Variants in TMTC2 observed in about 807,000 individuals in gnomAD.
TMTC2 encodes the protein protein O-mannosyl-transferase TMTC2.
In TMTC2, 43 loss-of-function variants were observed where a neutral mutation model predicts 82.4. The ratio of observed to expected loss-of-function variants is 0.52; its 90% CI spans 0.41 to 0.67. TMTC2 has a LOEUF of 0.67. TMTC2 is among the 30% of genes least tolerant of loss of function. TMTC2 has a pLI of 0.00. For synonymous variants in TMTC2, 408 were observed against 381.9 expected, an observed-to-expected ratio of 1.07 and a Z score of -0.80; for missense variants, 919 against 1,012.4, an observed-to-expected ratio of 0.91 and a Z score of 1.25.
intron 8 of TMTC2, among the ~76,000 whole-genome samples, chr12:82,990,524 G>A (rs367871607): frequency 1.3e-3 from 192 of 151,952 alleles, no homozygotes; most frequent in Middle Eastern, 6.8e-3. Context: ...TATTTCTTCC[G>A]TGAAGTCTTG....
intron 1 of TMTC2, among the ~76,000 whole-genome samples, chr12:82,844,174 C>CATAG (rs1870501211): frequency 6.6e-6 from 1 of 152,190 alleles, no homozygotes; most frequent in Admixed American, 6.5e-5. Context: ...AATCAGTGTT[C>CATAG]ATAGCCAGAG....
At chr12:82,804,062 A>G (rs1018387667) in intron 1 of TMTC2, among the ~76,000 whole-genome samples, 6 of 152,086 alleles carry the variant, frequency 3.9e-5, no homozygotes, top group African/African-American at 9.7e-5. Context: ...GTTCAGGGAC[A>G]TGAATGCTAT....
At chr12:83,071,741 A>G (rs183327061) in intron 11 of TMTC2, among the ~76,000 whole-genome samples, 2 of 152,092 alleles carry the variant, frequency 1.3e-5, no homozygotes, top group East Asian at 3.9e-4. Context: ...GGAGGGTTGT[A>G]TCTTTCCCGG....
At chr12:82,942,085 G>A (rs1245020429) in intron 4 of TMTC2, among the ~76,000 whole-genome samples, 1 of 152,078 alleles carries the variant, frequency 6.6e-6, no homozygotes, top group East Asian at 1.9e-4. Context: ...CTATTGTAAA[G>A]GATTAAGTTC....
intron 8 of TMTC2, among the ~76,000 whole-genome samples, chr12:83,022,377 G>T (rs1008806533): frequency 1.4e-5 from 1 of 72,160 alleles, no homozygotes; most frequent in Non-Finnish European, 2.7e-5. Flanking sequence ...CCCTCCCCCC[G>T]CCCCAGTTGT....
At chr12:82,911,974 G>A (rs1226885582) in intron 3 of TMTC2, among the ~76,000 whole-genome samples, 1 of 152,156 alleles carries the variant, frequency 6.6e-6, no homozygotes, top group Non-Finnish European at 1.5e-5. Flanking sequence ...ATCATCTTGA[G>A]AGCAGAACTG....
chr12:82,996,114 A>G (rs1309894270), intron 8 of TMTC2, among the ~76,000 whole-genome samples: 2 of 152,194 alleles, frequency 1.3e-5, no homozygotes, highest in African/African-American at 4.8e-5. Context: ...TTCTGTGTAT[A>G]TTTTTAAATG....
chr12:83,054,658 ATAAT>A (rs1254435866), intron 10 of TMTC2, among the ~76,000 whole-genome samples: 1 of 151,004 alleles, frequency 6.6e-6, no homozygotes, highest in African/African-American at 2.4e-5. Flanking sequence ...ATATGCATAT[ATAAT>A]TACATACTGT....
At chr12:83,123,854 A>G (rs1178493622) in intron 11 of TMTC2, among the ~76,000 whole-genome samples, 3 of 152,132 alleles carry the variant, frequency 2.0e-5, no homozygotes, top group African/African-American at 7.2e-5. Context: ...CAACCTAACA[A>G]TTCTTGTTGT....
chr12:82,700,124 A>G (rs1486259852), intron 1 of TMTC2, among the ~76,000 whole-genome samples: 3 of 152,148 alleles, frequency 2.0e-5, no homozygotes, highest in African/African-American at 4.8e-5. Context: ...CAAGCTCCCC[A>G]CTGATACCAA....
chr12:82,761,795 C>T (rs1876647329), intron 1 of TMTC2, among the ~76,000 whole-genome samples: 1 of 152,152 alleles, frequency 6.6e-6, no homozygotes, highest in Non-Finnish European at 1.5e-5. Flanking sequence ...TTTAAACAGA[C>T]CCTTAGAAAT....
At chr12:82,802,582 C>T (rs541880255) in intron 1 of TMTC2, among the ~76,000 whole-genome samples, 6 of 152,150 alleles carry the variant, frequency 3.9e-5, no homozygotes, top group South Asian at 2.1e-4. Flanking sequence ...ATTTCTAATT[C>T]GATAATTCAA....
At chr12:82,878,122 A>C (rs1238592367) in intron 2 of TMTC2, among the ~76,000 whole-genome samples, 1 of 152,178 alleles carries the variant, frequency 6.6e-6, no homozygotes, top group African/African-American at 2.4e-5. Flanking sequence ...TCAATCATTC[A>C]TGTACCCATT....
intron 1 of TMTC2, among the ~76,000 whole-genome samples, chr12:82,770,345 G>T (rs1279720468): frequency 5.9e-5 from 9 of 152,058 alleles, no homozygotes; most frequent in African/African-American, 2.2e-4. Context: ...AAGATTTAGG[G>T]TTTCAGATTT....
intron 1 of TMTC2, among the ~76,000 whole-genome samples, chr12:82,730,177 C>T (rs1350002126): frequency 6.6e-6 from 1 of 151,688 alleles, no homozygotes; most frequent in Middle Eastern, 3.2e-3. Context: ...TGCCTGGAGT[C>T]CCAGCTATTC....
intron 3 of TMTC2, among the ~76,000 whole-genome samples, chr12:82,897,397 A>G (rs962019307): frequency 6.6e-5 from 10 of 152,232 alleles, no homozygotes; most frequent in African/African-American, 2.4e-4. Context: ...AGCTATGACA[A>G]TGGATGACTC....
intron 9 of TMTC2, among the ~76,000 whole-genome samples, chr12:83,044,156 G>A (rs1158211682): frequency 6.6e-6 from 1 of 152,188 alleles, no homozygotes; most frequent in Non-Finnish European, 1.5e-5. Context: ...AATTTCTGGT[G>A]ATAAATGCTG....
intron 3 of TMTC2, among the ~76,000 whole-genome samples, chr12:82,925,737 T>G (rs1353552360): frequency 6.6e-6 from 1 of 152,206 alleles, no homozygotes; most frequent in African/African-American, 2.4e-5. Flanking sequence ...GTTGCGCATG[T>G]TCTGTTTCAC....
intron 1 of TMTC2, among the ~76,000 whole-genome samples, chr12:82,724,795 A>G (rs1874372135): frequency 6.6e-6 from 1 of 152,144 alleles, no homozygotes; most frequent in Admixed American, 6.5e-5. Flanking sequence ...TTACTGTCTT[A>G]TATTTTGTTT....
Sources: allele counts gnomAD v4.1 joint callset (sites outside exome capture counted in the v4.1 genomes callset), GRCh38; gene constraint gnomAD v4.1.1; transcripts MANE v1.5; gene names NCBI Gene and HGNC (gene_info 2026-07-23, HGNC 2026-07-21).